Variants in RBBP6 observed in about 807,000 individuals in gnomAD.
RBBP6 encodes RB binding protein 6, ubiquitin ligase, also known as E3 ubiquitin-protein ligase RBBP6.
In RBBP6, 25 loss-of-function variants were observed where a neutral mutation model predicts 167.7. That is an observed-to-expected ratio of 0.15 (90% confidence interval 0.11 to 0.21). RBBP6 has a LOEUF of 0.21. Among genes scored for constraint, RBBP6 ranks in the 10% least tolerant of loss-of-function variants. The probability of loss-of-function intolerance (pLI) is 1.00; values close to 1 mark genes in which losing one functional copy is unlikely to be tolerated. For synonymous variants in RBBP6, 789 were observed against 735.8 expected (o/e 1.07, Z -1.17); for missense variants, 1,868 against 2,134.2 (o/e 0.88, Z 2.46).
intron 13 of RBBP6, among the ~76,000 whole-genome samples, chr16:24,564,146 C>G (rs552755004): frequency 3.1e-4 from 47 of 152,098 alleles, no homozygotes; most frequent in African/African-American, 1.1e-3. Context: ...CCCTAAAATA[C>G]AAAGAACTTT....
In RBBP6 at chr16:24,568,943, T is replaced by C. The variant is rs1007332502; in HGVS notation, c.2253T>C (p.His751=). 1.2e-6 allele frequency: 2 copies of C among 1,614,168 alleles called. No homozygotes were observed. Among genetic ancestry groups the C allele is most frequent in the Non-Finnish European group, 8.5e-7 (1 of 1,179,968 alleles). Residue 751 remains histidine, a synonymous_variant, in exon 17 of 18, where the codon CAT becomes CAC. Transcript: ENST00000319715. ...SRNYRSRSRS[H]GYHRSRSRSP... ...ATTACCGTTCACGGTCTAGATCTCATGGATATCATCGATCTAGGTCAAGGT... is the reference window on the plus strand; with the variant it reads ...ATTACCGTTCACGGTCTAGATCTCACGGATATCATCGATCTAGGTCAAGGT...
In RBBP6 at chr16:24,572,620, T is replaced by A; in HGVS notation, c.*175T>A. The A allele has an allele frequency of 2.1e-6, 2 of 937,764 alleles. No individual in the cohort carries two copies. The highest frequency in any genetic ancestry group is 3.0e-6 in the Non-Finnish European group (2 of 667,052). The allele number at this position is 937,764 out of a possible 1,614,324, so 58.1% of individuals were successfully genotyped here. On this transcript the variant is annotated 3_prime_UTR_variant, in exon 18 of 18. Transcript: ENST00000319715. The stretch of plus-strand genomic sequence containing the variant: ...CAGAGCTTTATAACACGAACTTTTG[T>A]ACAGAATTGTGAGTTGTGACCATGT...
intron 8 of RBBP6, among the ~76,000 whole-genome samples, chr16:24,560,474 C>G (rs567547941): frequency 2.3e-4 from 35 of 152,308 alleles, no homozygotes; most frequent in African/African-American, 8.4e-4. Context: ...TATATTAGCA[C>G]TTAGTTGTTT....
chr16:24,555,999 A>G (rs7202501), intron 6 of RBBP6, 82 bp downstream of exon 6: 334,516 of 1,256,334 alleles, frequency 0.27, 44,627 homozygotes, highest in Admixed American at 0.33. Flanking sequence ...TTTCTTGGTT[A>G]ATACTGCCTT....
intron 13 of RBBP6, 45 bp downstream of exon 13, chr16:24,563,709 T>C: frequency 6.3e-7 from 1 of 1,578,434 alleles, no homozygotes; most frequent in Non-Finnish European, 8.7e-7. Flanking sequence ...GCCTGCAAAC[T>C]AGATAATGGA....
rs368242958 is a variant in RBBP6 at position 24,571,011 on chromosome 16, G to A, written c.3945G>A (p.Gln1315=). The A allele has an allele frequency of 3.1e-6, 5 of 1,612,664 alleles. No individual in the cohort carries two copies. In the African/African-American group the frequency reaches 5.3e-5, roughly 17 times the overall value. The change falls in exon 18 of 18, where the codon CAG becomes CAA. Residue 1315 remains glutamine, a synonymous_variant. Transcript: ENST00000319715. ...CTGAAGATGTTATCATTATGATTCA[G>A]GTTCCTCAATCCAAATGGGATAAAG... ...APAEDVIIMI[Q]VPQSKWDKDD...
chr16:24,564,666 A>G (rs1899150450), intron 13 of RBBP6, 131 bp from the exon 14 acceptor site: 1 of 1,222,868 alleles, frequency 8.2e-7, no homozygotes, highest in South Asian at 2.3e-5. Flanking sequence ...TCCGAAACAA[A>G]TTTAAGAACT....
chr16:24,565,045 T>A (rs989315847), intron 14 of RBBP6, among the ~76,000 whole-genome samples, 180 bp downstream of exon 14: 8 of 152,162 alleles, frequency 5.3e-5, no homozygotes, highest in Non-Finnish European at 1.5e-5. Context: ...AAATTATATA[T>A]AGTATCTTAA....
At chr16:24,560,811 T>C (rs760389491) in intron 8 of RBBP6, among the ~76,000 whole-genome samples, 1 of 152,256 alleles carries the variant, frequency 6.6e-6, no homozygotes, top group African/African-American at 2.4e-5. Flanking sequence ...CATAGTATTA[T>C]ATGCAAATAC....
intron 4 of RBBP6, chr16:24,555,168 C>T (rs894398644): frequency 1.3e-5 from 2 of 153,100 alleles, no homozygotes; most frequent in Non-Finnish European, 2.9e-5. Flanking sequence ...AAACTAACAT[C>T]ACTACCTAAA....
intron 2 of RBBP6, among the ~76,000 whole-genome samples, chr16:24,547,686 C>T (rs1164813377): frequency 6.6e-6 from 1 of 152,178 alleles, no homozygotes; most frequent in Non-Finnish European, 1.5e-5. Context: ...AAACTCCTGA[C>T]CTCAGGTGAT....
At chr16:24,562,222 T>C in intron 10 of RBBP6, 61 bp downstream of exon 10, 1 of 1,455,478 alleles carries the variant, frequency 6.9e-7, no homozygotes, top group Non-Finnish European at 9.5e-7. Flanking sequence ...AGTGTTTTGT[T>C]GTTGGTTATC....
At chr16:24,562,736 A>G (rs1024591076) in intron 10 of RBBP6, among the ~76,000 whole-genome samples, 3 of 152,164 alleles carry the variant, frequency 2.0e-5, no homozygotes, top group Admixed American at 1.3e-4. Context: ...CACTGAAGCA[A>G]AATCTTTAGG....
rs1898739711 is a variant in RBBP6 at position 24,549,236 on chromosome 16, A to G, written c.303+255A>G. 7 of 1,350,654 alleles carry G rather than the reference A, an allele frequency of 5.2e-6. No homozygotes were observed. The South Asian group carries it at 1.4e-4, about 27-fold the overall frequency. 83.7% of individuals were successfully genotyped at this position (1,350,654 alleles called of 1,614,324 possible). ...TATGATAGCATTATCCCTGTATGAC[A>G]CTGTGTTGTACAGTTAATGTATGAT... On this transcript the variant is annotated intron_variant, in intron 3 of 17. Transcript: ENST00000319715.
At chr16:24,561,489 T>C (rs536805276) in intron 8 of RBBP6, 123 bp from the exon 9 acceptor site, 1 of 783,590 alleles carries the variant, frequency 1.3e-6, no homozygotes, top group South Asian at 1.8e-5. Flanking sequence ...AAGAAATGAT[T>C]AGCACGACAT....
At chr16:24,542,500 C>G (rs985055853) in intron 1 of RBBP6, among the ~76,000 whole-genome samples, 4 of 151,872 alleles carry the variant, frequency 2.6e-5, no homozygotes, top group Admixed American at 6.6e-5. Flanking sequence ...ACTCTGTCAC[C>G]CAGGCTGGAG....
intron 1 of RBBP6, among the ~76,000 whole-genome samples, chr16:24,541,204 C>CAAAAAAAAAAAAAAAA (rs1491180757): frequency 1.2e-5 from 1 of 81,660 alleles, no homozygotes; most frequent in African/African-American, 4.2e-5. Context: ...AAAAAAAAAA[C>CAAAAAAAAAAAAAAAA]CAAAAAAACA....
At position 24,564,839 on chromosome 16, in the gene RBBP6, T is replaced by C. The variant is rs781687167; in HGVS notation, c.1563T>C (p.Ile521=). The change falls in exon 14 of 18, where the codon ATT becomes ATC. Residue 521 remains isoleucine, a synonymous_variant. Coordinates refer to ENST00000319715, the MANE Select transcript of RBBP6 (RefSeq NM_006910.5). ...ATCTGGTTTCTCCACCACAACAAAT[T>C]AGAAGAGGGGAGAGGAGCTGCTACA... ...LGYLVSPPQQ[I]RRGERSCYRS... is the part of the protein sequence containing the mutation. The C allele has an allele frequency of 6.2e-7, 1 of 1,613,148 alleles. No homozygotes were observed. Among genetic ancestry groups the C allele is most frequent in the Admixed American group, 1.7e-5 (1 of 59,982 alleles).
At chr16:24,560,357 C>T (rs1014813449) in intron 8 of RBBP6, among the ~76,000 whole-genome samples, 24 of 152,182 alleles carry the variant, frequency 1.6e-4, no homozygotes, top group Non-Finnish European at 2.2e-4. Flanking sequence ...CCGCCCACCT[C>T]GGCCTCCCCA....
Sources: gnomAD v4.1 joint callset for allele counts (sites outside exome capture counted in the v4.1 genomes callset) on GRCh38, gnomAD v4.1.1 for gene constraint, MANE v1.5 for transcripts, NCBI Gene and HGNC (gene_info 2026-07-23, HGNC 2026-07-21) for gene names.